Variants in UIMC1 observed in about 807,000 individuals in gnomAD.
The protein encoded by UIMC1 is BRCA1-A complex subunit RAP80.
A neutral mutation model predicts 84.9 loss-of-function variants in UIMC1; 42 were observed. The ratio of observed to expected loss-of-function variants is 0.49; its 90% CI spans 0.39 to 0.64. The LOEUF (loss-of-function observed/expected upper bound fraction) is 0.64, where lower values mean the gene tolerates loss of function less well. Among genes scored for constraint, UIMC1 ranks in the 30% least tolerant of loss-of-function variants. UIMC1 has a pLI of 0.00. For missense variants in UIMC1, 825 were observed against 847.6 expected (o/e 0.97, Z 0.33); for synonymous variants, 281 against 293.0 (o/e 0.96, Z 0.42).
intron 6 of UIMC1, among the ~76,000 whole-genome samples, chr5:176,959,932 G>A (rs1172772931): frequency 1.3e-5 from 2 of 152,140 alleles, no homozygotes; most frequent in East Asian, 1.9e-4. Flanking sequence ...TCGGGAGGCT[G>A]AGACAGGAGA....
chr5:176,905,196 A>C lies in UIMC1; in HGVS notation c.*86T>G, dbSNP rs1378796536. On this transcript the variant is annotated 3_prime_UTR_variant, in exon 15 of 15. Transcript: ENST00000511320. ...AAAACTGCAGGGCTAAAACTTGCTC[A>C]ACAATGAACTAGGGACCACTATGGC... The C allele has an allele frequency of 3.5e-6, 5 of 1,445,970 alleles. No homozygotes were observed. The African/African-American group carries it at 5.7e-5, about 16-fold the overall frequency. The allele number at this position is 1,445,970 out of a possible 1,614,324, so 89.6% of individuals were successfully genotyped here. A position where few individuals can be genotyped will look rare whatever the true frequency, so the allele number is the denominator to read the frequency against.
chr5:176,987,414 G>A (rs1772188634), intron 1 of UIMC1, among the ~76,000 whole-genome samples: 1 of 152,080 alleles, frequency 6.6e-6, no homozygotes, highest in Non-Finnish European at 1.5e-5. Flanking sequence ...AGGAGGCTGA[G>A]GCTGGTGTAT....
At chr5:176,951,413 C>G (rs751043809) in intron 9 of UIMC1, 61 bp downstream of exon 9, 332 of 1,295,518 alleles carry the variant, frequency 2.6e-4, no homozygotes, top group Non-Finnish European at 2.9e-4. Flanking sequence ...AACGTTGCAT[C>G]AGAGAGAGGA....
intron 6 of UIMC1, among the ~76,000 whole-genome samples, chr5:176,962,541 GC>G (rs1424383678): frequency 9.4e-6 from 1 of 105,936 alleles, no homozygotes; most frequent in Non-Finnish European, 1.9e-5. Context: ...TCAGCCCCCC[GC>G]CCGGCCAGCC....
intron 1 of UIMC1, among the ~76,000 whole-genome samples, chr5:177,016,604 T>C (rs933177303): frequency 9.9e-5 from 15 of 151,616 alleles, no homozygotes; most frequent in African/African-American, 3.4e-4. Flanking sequence ...GGCAGGAGAA[T>C]CGCTTGAACC....
upstream of UIMC1, among the ~76,000 whole-genome samples, chr5:177,007,430 C>G (rs1775401830): frequency 6.6e-6 from 1 of 151,536 alleles, no homozygotes; most frequent in Non-Finnish European, 1.5e-5. Flanking sequence ...AGGAGGCCAG[C>G]TTCCTGGCGG....
chr5:176,949,069 T>C (rs781177883), intron 9 of UIMC1, among the ~76,000 whole-genome samples: 3 of 152,044 alleles, frequency 2.0e-5, no homozygotes, highest in Non-Finnish European at 4.4e-5. Flanking sequence ...GTCTAGTAGT[T>C]AAAACTCCAG....
At chr5:177,015,973 G>C (rs533240106) in intron 1 of UIMC1, among the ~76,000 whole-genome samples, 44 of 152,222 alleles carry the variant, frequency 2.9e-4, no homozygotes, top group African/African-American at 1.0e-3. Flanking sequence ...AGGCAGCTGA[G>C]ACAGAATCAC....
chr5:176,920,361 A>T (rs1761555085), intron 10 of UIMC1, among the ~76,000 whole-genome samples: 1 of 152,192 alleles, frequency 6.6e-6, no homozygotes, highest in African/African-American at 2.4e-5. Flanking sequence ...TGAAATCTGT[A>T]GATCAACTTG....
intron 10 of UIMC1, among the ~76,000 whole-genome samples, chr5:176,937,741 T>C (rs1235027259): frequency 3.3e-5 from 5 of 152,184 alleles, no homozygotes; most frequent in Admixed American, 3.3e-4. Flanking sequence ...TGCTATTTCT[T>C]TTACACAGCC....
chr5:176,940,063 A>G (rs978625415), intron 10 of UIMC1, among the ~76,000 whole-genome samples: 2 of 152,206 alleles, frequency 1.3e-5, no homozygotes, highest in African/African-American at 2.4e-5. Flanking sequence ...GATGATGATG[A>G]TAAGACTCAG....
intron 2 of UIMC1, among the ~76,000 whole-genome samples, chr5:176,981,206 G>A (rs1295074705): frequency 1.4e-5 from 2 of 146,860 alleles, no homozygotes; most frequent in Non-Finnish European, 1.5e-5. Flanking sequence ...CTGCAGTGGC[G>A]CAATCTCGGC....
At chr5:177,001,711 G>A (rs185883527) in intron 1 of UIMC1, among the ~76,000 whole-genome samples, 1 of 151,528 alleles carries the variant, frequency 6.6e-6, no homozygotes, top group African/African-American at 2.4e-5. Flanking sequence ...GGCTGAGGGG[G>A]GGCGGATCAC....
chr5:176,952,509 G>C (rs1427433186), intron 8 of UIMC1, among the ~76,000 whole-genome samples: 1 of 152,166 alleles, frequency 6.6e-6, no homozygotes, highest in East Asian at 1.9e-4. Context: ...GGTTTTATTG[G>C]AACACAGCCA....
chr5:176,914,803 T>G (rs553781388), intron 10 of UIMC1, among the ~76,000 whole-genome samples: 4 of 152,214 alleles, frequency 2.6e-5, no homozygotes, highest in Admixed American at 2.0e-4. Context: ...AATGCAGAGA[T>G]TTTATAAGTA....
At chr5:176,940,431 T>C (rs1361660060) in intron 10 of UIMC1, among the ~76,000 whole-genome samples, 1 of 152,204 alleles carries the variant, frequency 6.6e-6, no homozygotes. Context: ...AACTCATTTA[T>C]TTCTGGACCT....
rs549067993 is a variant in UIMC1 at position 176,980,911 on chromosome 5, T to C, written c.147+1558A>G. 1.6e-4 allele frequency among the ~76,000 whole-genome samples: 24 copies of C among 152,054 alleles called. 1 individual carries two copies. In the South Asian group the frequency reaches 5.0e-3, roughly 32 times the overall value. On this transcript the variant is annotated intron_variant, in intron 2 of 14. Coordinates refer to ENST00000511320, the MANE Select transcript of UIMC1 (RefSeq NM_001199298.2). ...ACACGCCACCATGCCCAGCTAAGTTTTGTATTTTTTGTAGAGACAGGGTCT... is the reference window on the plus strand; with the variant it reads ...ACACGCCACCATGCCCAGCTAAGTTCTGTATTTTTTGTAGAGACAGGGTCT...
chr5:176,950,096 C>T (rs1765660346), intron 9 of UIMC1, among the ~76,000 whole-genome samples: 1 of 136,688 alleles, frequency 7.3e-6, no homozygotes, highest in Non-Finnish European at 1.5e-5. Context: ...AAAAAGGAAC[C>T]TTTCTTTTTT....
intron 1 of UIMC1, among the ~76,000 whole-genome samples, chr5:176,987,796 C>T (rs1772245891): frequency 1.3e-5 from 2 of 151,816 alleles, no homozygotes; most frequent in South Asian, 4.2e-4. Context: ...TGCACTCCAG[C>T]CTGGGCAACA....
Sources: gnomAD v4.1 joint callset for allele counts (sites outside exome capture counted in the v4.1 genomes callset) on GRCh38, gnomAD v4.1.1 for gene constraint, MANE v1.5 for transcripts, NCBI Gene and HGNC (gene_info 2026-07-23, HGNC 2026-07-21) for gene names.